The following TRAPPC11 variants were observed in gnomAD, a reference collection of about 807,000 sequenced individuals.
TRAPPC11 encodes the protein foie gras homolog.
A neutral mutation model predicts 151.2 loss-of-function variants in TRAPPC11; 104 were observed. That is an observed-to-expected ratio of 0.69 (90% CI 0.59 to 0.81). The LOEUF is 0.81. Ranked by LOEUF, TRAPPC11 falls within the 30% of genes least tolerant of loss-of-function variation. TRAPPC11 has a pLI of 0.00. For synonymous variants in TRAPPC11, 456 were observed against 472.3 expected, an observed-to-expected ratio of 0.97 and a Z score of 0.45; for missense variants, 1,230 against 1,349.6, an observed-to-expected ratio of 0.91 and a Z score of 1.39.
At chr4:183,665,561 A>C (rs996225718) in intron 2 of TRAPPC11, among the ~76,000 whole-genome samples, 4 of 152,200 alleles carry the variant, frequency 2.6e-5, no homozygotes, top group Non-Finnish European at 4.4e-5. Context: ...TATTGACCTC[A>C]TCTTTCCTTG....
chr4:183,672,646 A>G (rs952300290), intron 5 of TRAPPC11, among the ~76,000 whole-genome samples: 1 of 152,220 alleles, frequency 6.6e-6, no homozygotes, highest in African/African-American at 2.4e-5. Flanking sequence ...TTACGGTTAA[A>G]GCGAGGGAAA....
chr4:183,660,644 C>T lies in TRAPPC11; in HGVS notation c.-22+1197C>T, dbSNP rs112774884. Among the ~76,000 whole-genome samples the T allele has an allele frequency of 5.6e-3, 846 of 152,312 alleles. 7 individuals are homozygous for T. The highest frequency in any genetic ancestry group is 0.019 in the African/African-American group (796 of 41,560). On this transcript the variant is annotated intron_variant, in intron 1 of 29. Coordinates refer to ENST00000334690, the MANE Select transcript of TRAPPC11 (RefSeq NM_021942.6). ...GTCTTTTGGGCCTCTGGAGTTATTA[C>T]AGGAAATGGCCTCTAGTCTAGACTC... is the stretch of plus-strand genomic sequence containing the variant.
At chr4:183,680,659 G>A (rs1192003691) in intron 10 of TRAPPC11, among the ~76,000 whole-genome samples, 2 of 143,154 alleles carry the variant, frequency 1.4e-5, no homozygotes, top group East Asian at 4.1e-4. Context: ...CTCTTCCTGG[G>A]GTTTTCCTGT....
chr4:183,682,714 T>G lies in TRAPPC11; in HGVS notation c.1114-18T>G. ...GAGTTCCATAAACTATTATTTAGGTTTGTGTTTTAATTTACAGGCTTCTGT... is the reference window on the plus strand; with the variant it reads ...GAGTTCCATAAACTATTATTTAGGTGTGTGTTTTAATTTACAGGCTTCTGT... On this transcript the variant is annotated intron_variant, in intron 10 of 29. Coordinates refer to ENST00000334690, the MANE Select transcript of TRAPPC11 (RefSeq NM_021942.6). The G allele has an allele frequency of 1.9e-6, 3 of 1,567,018 alleles. No homozygotes were observed. Among genetic ancestry groups the G allele is most frequent in the Non-Finnish European group, 2.6e-6 (3 of 1,144,678 alleles).
At chr4:183,709,223 C>T (rs1426344875) in intron 29 of TRAPPC11, among the ~76,000 whole-genome samples, 3 of 152,184 alleles carry the variant, frequency 2.0e-5, no homozygotes, top group Admixed American at 6.5e-5. Flanking sequence ...TATGTCACTG[C>T]TGTGCGCCCT....
Position 183,697,773 on chromosome 4 carries a change from G to T in TRAPPC11, c.2789G>T (p.Ser930Ile). ...CCCTGGGCCCTCACTATTGTTTCCA[G>T]TGAGCTCCAGCTTGCTCCATCCATG... ...ASPWALTIVS[S>I]ELQLAPSMTT... The change falls in exon 25 of 30, where the codon AGT (serine) becomes ATT (isoleucine). Residue 930 changes from serine (S) to isoleucine (I), a missense_variant. Ser to Ile is a moderately radical substitution (Grantham distance 142). Transcript: ENST00000334690. 6.2e-7 allele frequency: 1 copy of T among 1,614,058 alleles called. No homozygotes were observed. The highest frequency in any genetic ancestry group is 1.1e-5 in the South Asian group (1 of 91,086).
At chr4:183,668,919 T>G (rs897093113) in intron 5 of TRAPPC11, among the ~76,000 whole-genome samples, 1 of 152,228 alleles carries the variant, frequency 6.6e-6, no homozygotes, top group Non-Finnish European at 1.5e-5. Flanking sequence ...CGTTAACTCA[T>G]GAACAGTTTT....
At chr4:183,698,353 G>GT (rs1036753366) in intron 25 of TRAPPC11, among the ~76,000 whole-genome samples, 11 of 151,998 alleles carry the variant, frequency 7.2e-5, no homozygotes, top group Non-Finnish European at 1.6e-4. Context: ...GTCTTCATGA[G>GT]TTTTTTTTCA....
chr4:183,668,342 AG>A (rs1205764664), intron 5 of TRAPPC11, among the ~76,000 whole-genome samples: 2 of 151,858 alleles, frequency 1.3e-5, no homozygotes, highest in Non-Finnish European at 2.9e-5. Flanking sequence ...TTCCAAAAAA[AG>A]TCTTTTTGTA....
At position 183,684,810 on chromosome 4, in the gene TRAPPC11, C is replaced by CA. The variant is rs1735881906; in HGVS notation, c.1537dup (p.Ile513AsnfsTer10). Reference sequence around the variant, plus strand: ...ACCTCATGGCCCAATTAAAGGATTACATTACTTACTCCCTAGAACTCCTTG... The same window carrying CA: ...ACCTCATGGCCCAATTAAAGGATTACAATTACTTACTCCCTAGAACTCCTTG... On this transcript the variant is annotated frameshift_variant, in exon 15 of 30. Transcript: ENST00000334690. LOFTEE classifies it high-confidence loss of function. 1 of 1,613,786 alleles carries CA rather than the reference C, an allele frequency of 6.2e-7. No homozygotes were observed. Among genetic ancestry groups the CA allele is most frequent in the East Asian group, 2.2e-5 (1 of 44,862 alleles).
intron 1 of TRAPPC11, among the ~76,000 whole-genome samples, chr4:183,662,339 A>G (rs374931351): frequency 1.5e-5 from 2 of 132,592 alleles, no homozygotes; most frequent in East Asian, 4.4e-4. Context: ...CTGGTGACAG[A>G]GTGATACTCC....
At position 183,697,518 on chromosome 4, in the gene TRAPPC11, A is replaced by G. The variant is rs1736595318; in HGVS notation, c.2644A>G (p.Ile882Val). 1 of 1,601,206 alleles carries G rather than the reference A, an allele frequency of 6.2e-7. No individual in the cohort carries two copies. Among genetic ancestry groups the G allele is most frequent in the Non-Finnish European group, 8.5e-7 (1 of 1,177,400 alleles). Residue 882 changes from isoleucine (I) to valine (V), a missense_variant, in exon 24 of 30, where the codon ATT (isoleucine) becomes GTT (valine). Transcript: ENST00000334690. ...CKCHKDETVT[I>V]ETVFPFDVAV... ...TTTCTTGCAGGATGAAACTGTAACAATTGAAACAGTCTTTCCATTTGATGT... is the reference window on the plus strand; with the variant it reads ...TTTCTTGCAGGATGAAACTGTAACAGTTGAAACAGTCTTTCCATTTGATGT...
intron 1 of TRAPPC11, among the ~76,000 whole-genome samples, chr4:183,660,774 T>G (rs919156869): frequency 1.3e-5 from 2 of 152,024 alleles, no homozygotes; most frequent in Non-Finnish European, 2.9e-5. Flanking sequence ...AGTGCAGTGG[T>G]GCGATCTCGG....
intron 18 of TRAPPC11, among the ~76,000 whole-genome samples, chr4:183,689,416 G>A (rs1332056168): frequency 6.6e-6 from 1 of 151,932 alleles, no homozygotes; most frequent in African/African-American, 2.4e-5. Flanking sequence ...CTTCAGGGAA[G>A]CCTCCCCTGA....
At chr4:183,666,513 C>A in intron 3 of TRAPPC11, 87 bp downstream of exon 3, 1 of 1,349,108 alleles carries the variant, frequency 7.4e-7, no homozygotes, top group Non-Finnish European at 1.0e-6. Flanking sequence ...GAGTACCGTT[C>A]AGACTGCAGT....
chr4:183,662,055 G>C (rs1286098840), intron 1 of TRAPPC11, among the ~76,000 whole-genome samples: 1 of 152,038 alleles, frequency 6.6e-6, no homozygotes, highest in Non-Finnish European at 1.5e-5. Context: ...TGAGCCACTT[G>C]TGCCTTACCT....
At chr4:183,698,087 T>C (rs1027973306) in intron 25 of TRAPPC11, among the ~76,000 whole-genome samples, 2 of 152,204 alleles carry the variant, frequency 1.3e-5, no homozygotes, top group African/African-American at 4.8e-5. Context: ...ACTTTGAAAA[T>C]GTACTTCACA....
At chr4:183,691,852 T>A (rs1163962602) in intron 19 of TRAPPC11, among the ~76,000 whole-genome samples, 1 of 152,214 alleles carries the variant, frequency 6.6e-6, no homozygotes, top group African/African-American at 2.4e-5. Flanking sequence ...ATATTTTTTA[T>A]GTTATTCAGA....
In TRAPPC11 at chr4:183,691,386, GA is replaced by G; in HGVS notation, c.1967del (p.Lys656ArgfsTer4). ...ANEVLENLTQ[G>X]KMCLVPGKTR... ...GAAGTTTTAGAAAATCTGACTCAAG[GA>G]AAGATGTGCCTAGTTCCTGGCAAAA... On this transcript the variant is annotated frameshift_variant, in exon 19 of 30. Coordinates refer to ENST00000334690, the MANE Select transcript of TRAPPC11 (RefSeq NM_021942.6). LOFTEE classifies it high-confidence loss of function. 6.4e-7 allele frequency: 1 copy of G among 1,564,822 alleles called. No individual in the cohort carries two copies. Among genetic ancestry groups the G allele is most frequent in the Non-Finnish European group, 8.7e-7 (1 of 1,148,834 alleles).
Sources: allele counts gnomAD v4.1 joint callset (sites outside exome capture counted in the v4.1 genomes callset), GRCh38; gene constraint gnomAD v4.1.1; transcripts MANE v1.5; gene names NCBI Gene and HGNC (gene_info 2026-07-23, HGNC 2026-07-21).